The following RGP1 variants were observed in gnomAD, a reference collection of about 807,000 sequenced individuals.
RGP1 encodes RAB6A-GEF complex partner protein 2.
In RGP1, 28 loss-of-function variants were observed where a neutral mutation model predicts 44.5. That is an observed-to-expected ratio of 0.63 (90% CI 0.47 to 0.86). The LOEUF (loss-of-function observed/expected upper bound fraction) is 0.86. RGP1 is among the 40% of genes least tolerant of loss of function. RGP1 has a pLI of 0.00. For synonymous variants in RGP1, 212 were observed against 196.7 expected, an observed-to-expected ratio of 1.08 and a Z score of -0.65; for missense variants, 417 against 490.7, an observed-to-expected ratio of 0.85 and a Z score of 1.42.
the RGP1 span, among the ~76,000 whole-genome samples, chr9:35,777,756 G>A: frequency 6.6e-6 from 1 of 152,216 alleles, no homozygotes; most frequent in South Asian, 2.1e-4. Context: ...TAGCTCTGAT[G>A]TTACCGTTCT....
the RGP1 span, among the ~76,000 whole-genome samples, chr9:35,784,473 GA>G: frequency 6.6e-6 from 1 of 152,176 alleles, no homozygotes; most frequent in African/African-American, 2.4e-5. Context: ...TTTAGAGACA[GA>G]GTTTTGCTCT....
At chr9:35,778,305 A>G in the RGP1 span, among the ~76,000 whole-genome samples, 1 of 152,192 alleles carries the variant, frequency 6.6e-6, no homozygotes, top group African/African-American at 2.4e-5. Context: ...TCTGTGTCAA[A>G]AAAAGGTATA....
At chr9:35,760,924 A>G (rs1335170867), downstream of RGP1, among the ~76,000 whole-genome samples, 4 of 152,232 alleles carry the variant, frequency 2.6e-5, no homozygotes, top group Admixed American at 2.6e-4. Flanking sequence ...TGCTCCCACA[A>G]GCATCATGGA....
the RGP1 span, among the ~76,000 whole-genome samples, chr9:35,776,034 T>C: frequency 6.6e-6 from 1 of 152,230 alleles, no homozygotes; most frequent in African/African-American, 2.4e-5. Context: ...ACAGTAATGC[T>C]CTTTTCTTGT....
At chr9:35,766,147 TA>T in the RGP1 span, among the ~76,000 whole-genome samples, 7,654 of 125,106 alleles carry the variant, frequency 0.061, 616 homozygotes, top group African/African-American at 0.21. Context: ...GTCAGTTTCT[TA>T]AAAAAAAAAA....
chr9:35,775,654 C>G, the RGP1 span, among the ~76,000 whole-genome samples: 1 of 152,192 alleles, frequency 6.6e-6, no homozygotes, highest in Non-Finnish European at 1.5e-5. Context: ...GGATATTGAA[C>G]TAAGTTGAAC....
At chr9:35,751,441 C>T (rs1485211936) in intron 6 of RGP1, 29 bp downstream of exon 6, 1 of 1,612,946 alleles carries the variant, frequency 6.2e-7, no homozygotes, top group Non-Finnish European at 8.5e-7. Context: ...TTGTCCTACC[C>T]CATCCTTCCC....
chr9:35,768,684 G>A, the RGP1 span, among the ~76,000 whole-genome samples: 2 of 152,202 alleles, frequency 1.3e-5, no homozygotes, highest in African/African-American at 4.8e-5. Context: ...CAGGGGCAAA[G>A]GAACATTGGC....
chr9:35,769,156 A>G, the RGP1 span, among the ~76,000 whole-genome samples: 1 of 152,246 alleles, frequency 6.6e-6, no homozygotes, highest in Non-Finnish European at 1.5e-5. Flanking sequence ...CTGCGTGCCC[A>G]TGTGTACCTG....
the RGP1 span, among the ~76,000 whole-genome samples, chr9:35,774,101 T>G: frequency 1.3e-5 from 2 of 152,216 alleles, no homozygotes; most frequent in Non-Finnish European, 2.9e-5. Flanking sequence ...ATTAAAACAG[T>G]CAAAAATTAT....
the RGP1 span, among the ~76,000 whole-genome samples, chr9:35,785,869 T>C: frequency 6.6e-6 from 1 of 152,172 alleles, no homozygotes; most frequent in East Asian, 1.9e-4. Context: ...TCCCTCAGAT[T>C]ACCTCAGATT....
At position 35,758,581 on chromosome 9, in the gene RGP1, A is replaced by G. The variant is rs10814275; in HGVS notation, c.*5707A>G. 0.14 allele frequency: 20,995 copies of G among 152,144 alleles called. 1,649 individuals carry two copies. Among genetic ancestry groups the G allele is most frequent in the African/African-American group, 0.19 (8,018 of 41,482 alleles). 9.4% of individuals were successfully genotyped at this position (152,144 alleles called of 1,614,324 possible). On this transcript the variant is annotated 3_prime_UTR_variant, in exon 9 of 9. Transcript: ENST00000378078. ...CAAATCTGGGTCAATTAATGAAAAA[A>G]AAAAGAAAAGAAAAGAAAATGTCTT...
chr9:35,765,308 A>G, the RGP1 span, among the ~76,000 whole-genome samples: 1 of 152,166 alleles, frequency 6.6e-6, no homozygotes, highest in Non-Finnish European at 1.5e-5. Flanking sequence ...TTTAAGATAA[A>G]TGCCTAGAAG....
At position 35,755,593 on chromosome 9, in the gene RGP1, A is replaced by G. The variant is rs567767931; in HGVS notation, c.*2719A>G. On this transcript the variant is annotated 3_prime_UTR_variant, in exon 9 of 9. Transcript: ENST00000378078. ...ACTGTTTCATCTCAGATCATCAGGCATTAGATTCTCATAAGGAGTGTGCAA... is the reference window on the plus strand; with the variant it reads ...ACTGTTTCATCTCAGATCATCAGGCGTTAGATTCTCATAAGGAGTGTGCAA... 5.3e-5 allele frequency: 8 copies of G among 152,326 alleles called. No homozygotes were observed. The allele number at this position is 152,326 out of a possible 1,614,324, so 9.4% of individuals were successfully genotyped here. A position where few individuals can be genotyped will look rare whatever the true frequency, so the allele number is the denominator to read the frequency against.
chr9:35,751,916 C>T (rs758588655), intron 7 of RGP1, 40 bp from the exon 8 acceptor site: 2 of 1,558,230 alleles, frequency 1.3e-6, no homozygotes, highest in African/African-American at 1.4e-5. Flanking sequence ...CACCTACAGA[C>T]AGCACTTCCT....
the RGP1 span, among the ~76,000 whole-genome samples, chr9:35,789,329 CTTTTTTTTTT>C: frequency 7.3e-6 from 1 of 137,674 alleles, no homozygotes; most frequent in Non-Finnish European, 1.6e-5. Flanking sequence ...CTTCCACTTC[CTTTTTTTTTT>C]TTTTTTTTTT....
the RGP1 span, among the ~76,000 whole-genome samples, chr9:35,773,702 A>C: frequency 6.6e-6 from 1 of 152,034 alleles, no homozygotes; most frequent in Admixed American, 6.5e-5. Flanking sequence ...GGGTTTCATC[A>C]TGTTGGCCAG....
At position 35,752,711 on chromosome 9, in the gene RGP1, T is replaced by A. The variant is rs1325916926; in HGVS notation, c.1013T>A (p.Leu338His). Residue 338 changes from leucine to histidine, a missense_variant, in exon 9 of 9, where the codon CTC becomes CAC. By Grantham distance (99) the Leu-to-His change is moderately conservative. Transcript: ENST00000378078. ...FVTSREPGLVLLPPVEQPEPT... is the reference protein window; with the variant it reads ...FVTSREPGLVHLPPVEQPEPT... ...ACGTCCCGAGAACCAGGATTGGTAC[T>A]CCTACCCCCTGTGGAACAGCCCGAA... The A allele has an allele frequency of 5.0e-6, 8 of 1,613,602 alleles. No homozygotes were observed. The highest frequency in any genetic ancestry group is 1.3e-5 in the African/African-American group (1 of 74,888).
chr9:35,771,718 G>A, the RGP1 span, among the ~76,000 whole-genome samples: 1 of 152,180 alleles, frequency 6.6e-6, no homozygotes, highest in East Asian at 1.9e-4. Context: ...AGCTGGCTGG[G>A]ACTGACTGCC....
Sources: gnomAD v4.1 joint callset for allele counts (sites outside exome capture counted in the v4.1 genomes callset) on GRCh38, gnomAD v4.1.1 for gene constraint, MANE v1.5 for transcripts, NCBI Gene and HGNC (gene_info 2026-07-23, HGNC 2026-07-21) for gene names.